CDH13: variants seen among roughly 807,000 people sequenced by gnomAD.
The protein encoded by CDH13 is cadherin 13.
CDH13 carries 24 observed loss-of-function variants against 63.8 expected under a neutral mutation model. That is an observed-to-expected ratio of 0.38 (90% confidence interval 0.27 to 0.53). CDH13 has a LOEUF of 0.53. CDH13 is among the 20% of genes least tolerant of loss of function. The pLI, the probability that CDH13 is intolerant of heterozygous loss-of-function variation, is 0.85. For synonymous variants in CDH13, 503 were observed against 355.3 expected (o/e 1.42, Z -4.67); for missense variants, 1,049 against 903.1 (o/e 1.16, Z -2.07).
At chr16:83,582,570 G>C (rs1344817460) in intron 7 of CDH13, among the ~76,000 whole-genome samples, 1 of 152,166 alleles carries the variant, frequency 6.6e-6, no homozygotes, top group Non-Finnish European at 1.5e-5. Flanking sequence ...CCACTGTTCT[G>C]AGGCTGCTGC....
At chr16:82,971,861 T>C (rs938307362) in intron 2 of CDH13, among the ~76,000 whole-genome samples, 1 of 152,228 alleles carries the variant, frequency 6.6e-6, no homozygotes, top group African/African-American at 2.4e-5. Flanking sequence ...AATCCCAGAC[T>C]TGCAGGGACG....
At chr16:83,540,461 C>T (rs1426252506) in intron 7 of CDH13, among the ~76,000 whole-genome samples, 1 of 152,174 alleles carries the variant, frequency 6.6e-6, no homozygotes, top group African/African-American at 2.4e-5. Context: ...CCTCCTTGCT[C>T]TTTCTACCCA....
rs1555600109 is a variant in CDH13, at chr16:83,134,575, GAGAGAGAGAGAGAGAGAGT to G, written c.483+9075_483+9093del. On this transcript the variant is annotated intron_variant, in intron 4 of 13. Coordinates refer to ENST00000567109, the MANE Select transcript of CDH13 (RefSeq NM_001257.5). ...AGAGAGAGAGAGAGAGAGAGAGAGA[GAGAGAGAGAGAGAGAGAGT>G]GAGTTACATGACTGTATTTCTGAAT... is the stretch of plus-strand genomic sequence containing the variant. Among the ~76,000 whole-genome samples, 4 of 62,364 alleles carry G rather than the reference GAGAGAGAGAGAGAGAGAGT, an allele frequency of 6.4e-5. 1 individual carries two copies. In the South Asian group the frequency reaches 2.1e-3, roughly 33 times the overall value. The allele number at this position is 62,364 out of a possible 152,430, so 40.9% of individuals were successfully genotyped here. A position where few individuals can be genotyped will look rare whatever the true frequency, so the allele number is the denominator to read the frequency against.
intron 8 of CDH13, among the ~76,000 whole-genome samples, chr16:83,630,054 A>C (rs949976825): frequency 1.3e-5 from 2 of 152,224 alleles, no homozygotes; most frequent in African/African-American, 4.8e-5. Flanking sequence ...ACAGGCATTT[A>C]ACAGATTCAT....
intron 5 of CDH13, among the ~76,000 whole-genome samples, chr16:83,244,161 C>A (rs1904753518): frequency 6.6e-6 from 1 of 152,002 alleles, no homozygotes; most frequent in Non-Finnish European, 1.5e-5. Context: ...TTTCTGTCTG[C>A]ATTTTCATCT....
At chr16:82,720,471 C>T (rs1226393966) in intron 1 of CDH13, among the ~76,000 whole-genome samples, 1 of 152,136 alleles carries the variant, frequency 6.6e-6, no homozygotes, top group African/African-American at 2.4e-5. Context: ...TAGGAACTGA[C>T]CCTGGACAGG....
chr16:83,228,702 A>C (rs1332736882), intron 5 of CDH13, among the ~76,000 whole-genome samples: 1 of 152,214 alleles, frequency 6.6e-6, no homozygotes, highest in Non-Finnish European at 1.5e-5. Flanking sequence ...AGTTTAGAGC[A>C]GACGAGGGTG....
chr16:83,433,782 A>T (rs957374771), intron 6 of CDH13, among the ~76,000 whole-genome samples: 1 of 152,242 alleles, frequency 6.6e-6, no homozygotes, highest in Admixed American at 6.5e-5. Context: ...TTTATGCAAG[A>T]ACCGTGCAGC....
At chr16:83,767,436 C>A (rs1333019772) in intron 11 of CDH13, among the ~76,000 whole-genome samples, 2 of 152,204 alleles carry the variant, frequency 1.3e-5, no homozygotes, top group African/African-American at 4.8e-5. Context: ...TAAGTTGTGA[C>A]TTTGCTTCTC....
In CDH13 at chr16:83,109,498, G is replaced by C. The variant is rs138384097; in HGVS notation, c.367-15887G>C. On this transcript the variant is annotated intron_variant, in intron 3 of 13. Transcript: ENST00000567109. ...GGTGACAGTGCCACAGGGAAGGTAT[G>C]TGTCAAACCCCTAATAAATACCCAC... Among the ~76,000 whole-genome samples the C allele has an allele frequency of 1.2e-3, 177 of 152,308 alleles. 1 individual carries two copies. Among genetic ancestry groups the C allele is most frequent in the African/African-American group, 4.1e-3 (170 of 41,564 alleles).
chr16:83,357,118 C>G (rs1240185323), intron 6 of CDH13, among the ~76,000 whole-genome samples: 1 of 152,078 alleles, frequency 6.6e-6, no homozygotes, highest in Non-Finnish European at 1.5e-5. Flanking sequence ...AAAAAAAGGC[C>G]TGCTTTTCAG....
chr16:82,654,451 A>C (rs1911073364), intron 1 of CDH13, among the ~76,000 whole-genome samples: 1 of 152,194 alleles, frequency 6.6e-6, no homozygotes, highest in African/African-American at 2.4e-5. Flanking sequence ...CAATTCTGAC[A>C]GTGCTGAAGG....
At chr16:83,664,197 G>A (rs1347900229) in intron 8 of CDH13, among the ~76,000 whole-genome samples, 1 of 152,038 alleles carries the variant, frequency 6.6e-6, no homozygotes, top group East Asian at 1.9e-4. Flanking sequence ...CAATGACTAG[G>A]ACTATGATGA....
chr16:83,762,650 G>A (rs254337), intron 11 of CDH13, among the ~76,000 whole-genome samples: 44,963 of 152,086 alleles, frequency 0.3, 7,071 homozygotes, highest in Admixed American at 0.39. Context: ...ACGGCCACAG[G>A]CAGGAAAGGC....
At chr16:82,843,519 G>C (rs1356275167) in intron 1 of CDH13, among the ~76,000 whole-genome samples, 1 of 152,044 alleles carries the variant, frequency 6.6e-6, no homozygotes, top group Non-Finnish European at 1.5e-5. Context: ...ACACCAATTT[G>C]TGCTTGATTT....
intron 3 of CDH13, among the ~76,000 whole-genome samples, chr16:83,079,696 A>G (rs575450248): frequency 6.6e-6 from 1 of 152,342 alleles, no homozygotes; most frequent in African/African-American, 2.4e-5. Context: ...AACAAATGGC[A>G]TGTACGCAAA....
chr16:82,719,311 G>T (rs1045974049), intron 1 of CDH13: 1 of 454,012 alleles, frequency 2.2e-6, no homozygotes, highest in East Asian at 7.0e-5. Flanking sequence ...GAGATGCACT[G>T]TTACTAAAGA....
At chr16:83,695,979 T>G (rs1422340315) in intron 10 of CDH13, among the ~76,000 whole-genome samples, 1 of 151,700 alleles carries the variant, frequency 6.6e-6, no homozygotes, top group East Asian at 1.9e-4. Context: ...AACCTCTGCC[T>G]CCTGGGCTCA....
chr16:82,947,010 G>GTGTGTGTA (rs2151317427), intron 2 of CDH13, among the ~76,000 whole-genome samples: 1 of 138,990 alleles, frequency 7.2e-6, no homozygotes, highest in South Asian at 2.2e-4. Context: ...ACGCCTGTGT[G>GTGTGTGTA]TGTGTGTGTG....
Sources: gnomAD v4.1 joint callset for allele counts (sites outside exome capture counted in the v4.1 genomes callset) on GRCh38, gnomAD v4.1.1 for gene constraint, MANE v1.5 for transcripts, NCBI Gene and HGNC (gene_info 2026-07-23, HGNC 2026-07-21) for gene names.